Variants in TMEM131 observed in about 807,000 individuals in gnomAD.
TMEM131 encodes the protein transmembrane protein 131, also known as 2610524E03Rik.
TMEM131 carries 66 observed loss-of-function variants against 211.6 expected under a neutral mutation model. The ratio of observed to expected loss-of-function variants is 0.31; its 90% CI spans 0.26 to 0.38. The LOEUF is 0.38. Among genes scored for constraint, TMEM131 ranks in the 10% least tolerant of loss-of-function variants. TMEM131 has a pLI of 1.00. For missense variants in TMEM131, 2,036 were observed against 2,299.3 expected (o/e 0.89, Z 2.34); for synonymous variants, 844 against 841.3 (o/e 1.00, Z -0.06).
chr2:97,769,297 A>G (rs1679351163), intron 33 of TMEM131, among the ~76,000 whole-genome samples: 1 of 152,094 alleles, frequency 6.6e-6, no homozygotes, highest in Non-Finnish European at 1.5e-5. Context: ...TATTTTTATA[A>G]TATATTTTCC....
chr2:97,824,269 G>C (rs1682270413), intron 11 of TMEM131, among the ~76,000 whole-genome samples: 2 of 152,240 alleles, frequency 1.3e-5, no homozygotes, highest in African/African-American at 2.4e-5. Context: ...CCAACAGCAG[G>C]ACTGAGGGTG....
intron 37 of TMEM131, 29 bp downstream of exon 37, chr2:97,760,757 CCTGGCGT>C (rs1242098419): frequency 6.2e-7 from 1 of 1,613,678 alleles, no homozygotes; most frequent in Non-Finnish European, 8.5e-7. Flanking sequence ...AGGCCTGGCG[CCTGGCGT>C]GGCAGGTCTC....
intron 31 of TMEM131, among the ~76,000 whole-genome samples, chr2:97,780,458 G>A (rs1042906208): frequency 1.3e-4 from 20 of 151,920 alleles, no homozygotes; most frequent in Admixed American, 1.1e-3. Flanking sequence ...ACCCCACTCC[G>A]TTTTCTACAC....
At chr2:97,961,053 C>T (rs894695987) in intron 1 of TMEM131, among the ~76,000 whole-genome samples, 6 of 151,484 alleles carry the variant, frequency 4.0e-5, no homozygotes, top group South Asian at 4.2e-4. Flanking sequence ...TAAAAACTTA[C>T]AACTGACATC....
chr2:97,915,319 GTTTTGT>G (rs1676464714), intron 2 of TMEM131, among the ~76,000 whole-genome samples: 1 of 151,890 alleles, frequency 6.6e-6, no homozygotes, highest in Non-Finnish European at 1.5e-5. Context: ...GCAGAGAAAG[GTTTTGT>G]TTGTTTGTTT....
intron 31 of TMEM131, among the ~76,000 whole-genome samples, chr2:97,788,755 A>G (rs1489490733): frequency 6.6e-6 from 1 of 152,206 alleles, no homozygotes; most frequent in Non-Finnish European, 1.5e-5. Context: ...GCCAGTCACC[A>G]GGGTGCACGA....
In TMEM131 at chr2:97,812,683, C is replaced by T; in HGVS notation, c.1684G>A (p.Ala562Thr). The T allele has an allele frequency of 1.9e-6, 3 of 1,602,472 alleles. No homozygotes were observed. Among genetic ancestry groups the T allele is most frequent in the Non-Finnish European group, 2.5e-6 (3 of 1,176,678 alleles). ...IDFGVLSATE[A>T]SNILFAIINS... ...ATAATTGCAAATAAAATATTACTTG[C>T]TTCTGTAGCACTCAGTACTCCAAAA... Residue 562 changes from alanine to threonine, a missense_variant, in exon 16 of 41, where the codon GCA (alanine) becomes ACA (threonine). Transcript: ENST00000186436.
At chr2:97,946,175 T>TA (rs1475480047) in intron 1 of TMEM131, among the ~76,000 whole-genome samples, 1 of 151,366 alleles carries the variant, frequency 6.6e-6, no homozygotes, top group African/African-American at 2.4e-5. Flanking sequence ...CTATATTGCA[T>TA]ACTCATATAT....
In TMEM131 at chr2:97,756,552, G is replaced by A. The variant is rs1678490185; in HGVS notation, c.*547C>T. 1 of 152,208 alleles carries A rather than the reference G, an allele frequency of 6.6e-6. No individual in the cohort carries two copies. The highest frequency in any genetic ancestry group is 2.4e-5 in the African/African-American group (1 of 41,434). The allele number at this position is 152,208 out of a possible 1,614,324, so 9.4% of individuals were successfully genotyped here. ...TTTTACATTCATTCACCGTTCTTAA[G>A]TTGACTTACATTTCTGTAATCTGCT... On this transcript the variant is annotated 3_prime_UTR_variant, in exon 41 of 41. Coordinates refer to ENST00000186436, the MANE Select transcript of TMEM131 (RefSeq NM_015348.2).
At chr2:97,770,091 TA>T (rs1679393190) in intron 33 of TMEM131, among the ~76,000 whole-genome samples, 1 of 152,212 alleles carries the variant, frequency 6.6e-6, no homozygotes, top group African/African-American at 2.4e-5. Flanking sequence ...GGTTATATAT[TA>T]ACACACTAAA....
chr2:97,908,632 T>C (rs1676168696), intron 3 of TMEM131, 26 bp downstream of exon 3: 3 of 1,565,796 alleles, frequency 1.9e-6, no homozygotes, highest in South Asian at 1.1e-5. Flanking sequence ...CGAAAGTATG[T>C]TAATTATCTT....
intron 1 of TMEM131, among the ~76,000 whole-genome samples, chr2:97,930,635 C>T (rs1677180456): frequency 6.6e-6 from 1 of 151,552 alleles, no homozygotes; most frequent in Non-Finnish European, 1.5e-5. Context: ...ATTATAATAC[C>T]TTTCAATTAT....
At chr2:97,902,828 A>G (rs1269633992) in intron 3 of TMEM131, among the ~76,000 whole-genome samples, 1 of 152,120 alleles carries the variant, frequency 6.6e-6, no homozygotes, top group Non-Finnish European at 1.5e-5. Flanking sequence ...GGAAAACATG[A>G]AAAGAGAGAT....
chr2:97,775,075 A>G (rs531743416), intron 32 of TMEM131, among the ~76,000 whole-genome samples: 1 of 152,344 alleles, frequency 6.6e-6, no homozygotes, highest in South Asian at 2.1e-4. Flanking sequence ...AGGCTATATT[A>G]GGATCAGTTT....
intron 4 of TMEM131, among the ~76,000 whole-genome samples, chr2:97,886,441 G>T (rs1271405317): frequency 2.0e-5 from 3 of 151,934 alleles, no homozygotes. Flanking sequence ...TTATAAATGG[G>T]TCTTGGAGTG....
intron 1 of TMEM131, among the ~76,000 whole-genome samples, chr2:97,943,350 GTCA>G (rs770688228): frequency 6.6e-6 from 1 of 152,104 alleles, no homozygotes; most frequent in Non-Finnish European, 1.5e-5. Flanking sequence ...ATCAGACACG[GTCA>G]TCACAAGAAA....
In TMEM131 at chr2:97,820,882, G is replaced by C. The variant is rs545446322; in HGVS notation, c.1075-2161C>G. ...AAAAAAAAAAAAGCAGCCCAGCCAG[G>C]GGAATGGGTTGTTTTCTGAGATCCC... On this transcript the variant is annotated intron_variant, in intron 11 of 40. Transcript: ENST00000186436. 2.6e-5 allele frequency among the ~76,000 whole-genome samples: 4 copies of C among 151,910 alleles called. No homozygotes were observed. In the East Asian group the frequency reaches 7.7e-4, roughly 29 times the overall value.
At chr2:97,790,042 A>G (rs1308766507) in intron 31 of TMEM131, among the ~76,000 whole-genome samples, 4 of 152,244 alleles carry the variant, frequency 2.6e-5, no homozygotes, top group Non-Finnish European at 4.4e-5. Flanking sequence ...TAAGCTCATT[A>G]TAAGAAATAA....
intron 31 of TMEM131, among the ~76,000 whole-genome samples, chr2:97,790,335 G>A (rs1680443776): frequency 6.6e-6 from 1 of 152,126 alleles, no homozygotes; most frequent in Non-Finnish European, 1.5e-5. Flanking sequence ...TATAGATACA[G>A]GCTCCTTCCT....
Sources: allele counts gnomAD v4.1 joint callset (sites outside exome capture counted in the v4.1 genomes callset), GRCh38; gene constraint gnomAD v4.1.1; transcripts MANE v1.5; gene names NCBI Gene and HGNC (gene_info 2026-07-23, HGNC 2026-07-21).